MMP25: variants seen among roughly 807,000 people sequenced by gnomAD.
MMP25 encodes matrix metalloproteinase-25.
A neutral mutation model predicts 62.1 loss-of-function variants in MMP25; 68 were observed. That is an observed-to-expected ratio of 1.10 (90% CI 0.90 to 1.34). MMP25 has a LOEUF of 1.34. Ranked by LOEUF, MMP25 falls within the 40% of genes most tolerant of loss-of-function variation. The probability of loss-of-function intolerance (pLI) is 0.00; values close to 1 mark genes in which losing one functional copy is unlikely to be tolerated. For synonymous variants in MMP25, 407 were observed against 345.6 expected (o/e 1.18, Z -1.97); for missense variants, 942 against 792.5 (o/e 1.19, Z -2.26).
intron 2 of MMP25, among the ~76,000 whole-genome samples, chr16:3,047,837 GA>G (rs1341994013): frequency 7.9e-6 from 1 of 126,282 alleles, no homozygotes; most frequent in African/African-American, 2.9e-5. Context: ...ACTCTCCAAG[GA>G]TTTTTTTTTT....
Position 3,058,257 on chromosome 16 carries a change from G to T in MMP25, c.1083G>T (p.Glu361Asp), listed in dbSNP as rs148242288. The T allele has an allele frequency of 2.0e-4, 322 of 1,611,542 alleles. No individual in the cohort carries two copies. The African/African-American group carries it at 3.6e-3, about 18-fold the overall frequency. ...PRPARLHRFWEGLPAQVRVVQ... is the reference protein window; with the variant it reads ...PRPARLHRFWDGLPAQVRVVQ... ...CCGCACGGCTGCACCGCTTCTGGGA[G>T]GGGCTGCCCGCCCAGGTGAGGGTGG... Residue 361 changes from glutamate (E) to aspartate (D), a missense_variant, in exon 8 of 10, where the codon GAG becomes GAT. By Grantham distance (45) the Glu-to-Asp change is conservative (BLOSUM62 2). Transcript: ENST00000336577.
chr16:3,051,051 A>G, intron 4 of MMP25: 1 of 152,562 alleles, frequency 6.6e-6, no homozygotes, highest in Non-Finnish European at 1.5e-5. Context: ...TTGGTCTCTC[A>G]AAGCATTGGG....
chr16:3,059,020 C>T lies in MMP25; in HGVS notation c.1611C>T (p.Asn537=), dbSNP rs1031825297. The change falls in exon 10 of 10, where the codon AAC becomes AAT. Residue 537 remains asparagine, a synonymous_variant. Coordinates refer to ENST00000336577, the MANE Select transcript of MMP25 (RefSeq NM_022468.5). ...CCTGCGATTGTCAGTGCGAGCTCAACCAGGCCGCAGGACGTTGGCCTGCTC... is the reference window on the plus strand; with the variant it reads ...CCTGCGATTGTCAGTGCGAGCTCAATCAGGCCGCAGGACGTTGGCCTGCTC... ...SETCDCQCEL[N]QAAGRWPAPI... The T allele has an allele frequency of 4.5e-6, 7 of 1,556,208 alleles. No individual in the cohort carries two copies. In the African/African-American group the frequency reaches 6.8e-5, roughly 15 times the overall value.
chr16:3,054,161 C>A, intron 4 of MMP25: 1 of 146,922 alleles, frequency 6.8e-6, no homozygotes, highest in Non-Finnish European at 1.5e-5. Flanking sequence ...CAAATGCATG[C>A]ATAGAGGCAA....
chr16:3,050,447 T>C lies in MMP25; in HGVS notation c.562T>C (p.Leu188=). The change falls in exon 4 of 10, where the codon TTG becomes CTG. Residue 188 remains leucine, a synonymous_variant. Coordinates refer to ENST00000336577, the MANE Select transcript of MMP25 (RefSeq NM_022468.5). The part of the protein sequence containing the change: ...FHQDSYPFDG[L]GGTLAHAFFP... ...CCAGGACAGCTACCCCTTCGACGGGTTGGGGGGCACCCTAGCCCATGCCTT... is the reference window on the plus strand; with the variant it reads ...CCAGGACAGCTACCCCTTCGACGGGCTGGGGGGCACCCTAGCCCATGCCTT... 3 of 1,613,772 alleles carry C rather than the reference T, an allele frequency of 1.9e-6. No individual in the cohort carries two copies. The highest frequency in any genetic ancestry group is 2.2e-5 in the East Asian group (1 of 44,870).
At chr16:3,051,526 C>A (rs546722445) in intron 4 of MMP25, 41 of 152,382 alleles carry the variant, frequency 2.7e-4, no homozygotes, top group African/African-American at 9.6e-4. Context: ...GGCATCTAGA[C>A]TGGTGTTTCA....
At chr16:3,048,081 C>T (rs1318251223) in intron 2 of MMP25, among the ~76,000 whole-genome samples, 3 of 152,192 alleles carry the variant, frequency 2.0e-5, no homozygotes, top group Non-Finnish European at 2.9e-5. Context: ...TCAGGTAACC[C>T]GCCGGCCTTG....
In MMP25 at chr16:3,059,157, C is replaced by G. The variant is rs1956073648; in HGVS notation, c.*59C>G. 20 of 1,469,070 alleles carry G rather than the reference C, an allele frequency of 1.4e-5. 1 individual carries two copies. In the Middle Eastern group the frequency reaches 5.7e-4, roughly 42 times the overall value. The allele number at this position is 1,469,070 out of a possible 1,614,324, so 91.0% of individuals were successfully genotyped here. A position where few individuals can be genotyped will look rare whatever the true frequency, so the allele number is the denominator to read the frequency against. On this transcript the variant is annotated 3_prime_UTR_variant, in exon 10 of 10. Transcript: ENST00000336577. ...CACGGCCGAGTCCCCCGCCGCTGGA[C>G]CTGGTCGGGGGTTGTGAGGCGCTGC...
intron 1 of MMP25, 44 bp from the exon 2 acceptor site, chr16:3,047,371 A>G (rs367565142): frequency 6.3e-7 from 1 of 1,583,394 alleles, no homozygotes; most frequent in African/African-American, 1.3e-5. Flanking sequence ...GAGAGCCCAT[A>G]CTTTTCACCC....
chr16:3,059,088 C>T lies in MMP25; in HGVS notation c.1679C>T (p.Ala560Val), dbSNP rs1246268969. 1.3e-6 allele frequency: 2 copies of T among 1,543,044 alleles called. No homozygotes were observed. Among genetic ancestry groups the T allele is most frequent in the South Asian group, 1.2e-5 (1 of 83,444 alleles). Reference protein sequence around the residue: ...LLLPLLVGGVASR With the variant: ...LLLPLLVGGVVSR The stretch of plus-strand genomic sequence containing the variant: ...TTGCCCCTGCTGGTGGGGGGTGTAG[C>T]CTCCCGCTGATGGGGGGAGCCATCC... Residue 560 changes from alanine to valine, a missense_variant, in exon 10 of 10, where the codon GCC becomes GTC. Ala to Val is a moderately conservative substitution (Grantham distance 64). Coordinates refer to ENST00000336577, the MANE Select transcript of MMP25 (RefSeq NM_022468.5).
chr16:3,053,202 C>T (rs2151157148), intron 4 of MMP25: 1 of 153,796 alleles, frequency 6.5e-6, no homozygotes, highest in Non-Finnish European at 1.4e-5. Context: ...GGCGTGGTGG[C>T]ACATGCTTGT....
In MMP25 at chr16:3,046,971, C is replaced by T. The variant is rs762957606; in HGVS notation, c.54C>T (p.Pro18=). 9 of 1,472,508 alleles carry T rather than the reference C, an allele frequency of 6.1e-6. No homozygotes were observed. The highest frequency in any genetic ancestry group is 8.0e-6 in the Non-Finnish European group (9 of 1,119,952). 91.2% of individuals were successfully genotyped at this position (1,472,508 alleles called of 1,614,324 possible). A position where few individuals can be genotyped will look rare whatever the true frequency, so the allele number is the denominator to read the frequency against. The change falls in exon 1 of 10, where the codon CCC becomes CCT. Residue 18 remains proline (P), a synonymous_variant. Transcript: ENST00000336577. The part of the protein sequence containing the change: ...LALLLLLLAP[P]ARAPKPSAQD... ...TGCTGCTTCTGCTGCTGGCACCGCC[C>T]GCGCGCGCCCCGAAGCCCTCGGCGC...
In MMP25 at chr16:3,059,358, T is replaced by A; in HGVS notation, c.*260T>A. 2.7e-6 allele frequency: 1 copy of A among 370,610 alleles called. No homozygotes were observed. The allele number at this position is 370,610 out of a possible 1,614,324, so 23.0% of individuals were successfully genotyped here. A position where few individuals can be genotyped will look rare whatever the true frequency, so the allele number is the denominator to read the frequency against. The stretch of plus-strand genomic sequence containing the variant: ...CCCGCCTTCAGGGGCGCACGCGCGC[T>A]GGGACCATGCGTCGGTCGTCGCCCC... On this transcript the variant is annotated 3_prime_UTR_variant, in exon 10 of 10. Coordinates refer to ENST00000336577, the MANE Select transcript of MMP25 (RefSeq NM_022468.5).
At chr16:3,047,819 AC>A (rs527923913) in intron 2 of MMP25, among the ~76,000 whole-genome samples, 2 of 145,848 alleles carry the variant, frequency 1.4e-5, no homozygotes, top group South Asian at 2.2e-4. Context: ...ACAAAGTGAG[AC>A]CCCCCCACTC....
intron 4 of MMP25, chr16:3,054,301 C>T (rs1340786929): frequency 6.6e-6 from 1 of 150,794 alleles, no homozygotes; most frequent in Non-Finnish European, 1.5e-5. Context: ...CGGACAGATG[C>T]ATGCACAGAG....
At chr16:3,058,357 G>T in intron 8 of MMP25, 24 bp downstream of exon 8, 1 of 1,515,522 alleles carries the variant, frequency 6.6e-7, no homozygotes. Context: ...GCGGCGGGGC[G>T]CGCTGGGGCC....
rs1198620620 is a variant in MMP25, at chr16:3,059,561, C to T, written c.*463C>T. 1 of 154,434 alleles carries T rather than the reference C, an allele frequency of 6.5e-6. No individual in the cohort carries two copies. The highest frequency in any genetic ancestry group is 1.4e-5 in the Non-Finnish European group (1 of 69,674). The allele number at this position is 154,434 out of a possible 1,614,324, so 9.6% of individuals were successfully genotyped here. The stretch of plus-strand genomic sequence containing the variant: ...GGAAGAGCCAGCTTTTCTCGGAGCG[C>T]AGTCCTGGGACTCTCCGCAGCCCCG... On this transcript the variant is annotated 3_prime_UTR_variant, in exon 10 of 10. Transcript: ENST00000336577.
At chr16:3,055,211 T>C (rs2151160386) in intron 4 of MMP25, among the ~76,000 whole-genome samples, 1 of 151,828 alleles carries the variant, frequency 6.6e-6, no homozygotes, top group African/African-American at 2.4e-5. Flanking sequence ...CTGGGAATCT[T>C]GTGGGGCTGG....
rs1351307772 is a variant in MMP25, at chr16:3,059,753, G to A, written c.*655G>A. ...GGTGGGGACCTGGGACCCAGACCCG[G>A]AACCAGCCCAGATATCACCCCTGAG... On this transcript the variant is annotated 3_prime_UTR_variant, in exon 10 of 10. Coordinates refer to ENST00000336577, the MANE Select transcript of MMP25 (RefSeq NM_022468.5). 2 of 152,400 alleles carry A rather than the reference G, an allele frequency of 1.3e-5. No individual in the cohort carries two copies. Among genetic ancestry groups the A allele is most frequent in the Admixed American group, 6.5e-5 (1 of 15,276 alleles). 9.4% of individuals were successfully genotyped at this position (152,400 alleles called of 1,614,324 possible).
Sources: allele counts gnomAD v4.1 joint callset (sites outside exome capture counted in the v4.1 genomes callset), GRCh38; gene constraint gnomAD v4.1.1; transcripts MANE v1.5; gene names NCBI Gene and HGNC (gene_info 2026-07-23, HGNC 2026-07-21).